CADM2: variants seen among roughly 807,000 people sequenced by gnomAD.
CADM2 encodes immunoglobulin superfamily member 4D.
Under a neutral mutation model 49.8 loss-of-function variants are expected in CADM2, and 12 were observed. The observed-to-expected ratio is 0.24, with a 90% CI of 0.15 to 0.39. CADM2 has a LOEUF of 0.39. Ranked by LOEUF, CADM2 falls within the 10% of genes least tolerant of loss-of-function variation. The pLI is 1.00. For synonymous variants in CADM2, 214 were observed against 175.4 expected (o/e 1.22, Z -1.74); for missense variants, 378 against 492.3 (o/e 0.77, Z 2.20).
chr3:85,287,679 T>C (rs1244015033), intron 1 of CADM2, among the ~76,000 whole-genome samples: 1 of 152,146 alleles, frequency 6.6e-6, no homozygotes, highest in Non-Finnish European at 1.5e-5. Flanking sequence ...ATTAGGAAAT[T>C]GAGAACAAAA....
chr3:85,695,730 G>A (rs2066532133), intron 1 of CADM2, among the ~76,000 whole-genome samples: 1 of 152,052 alleles, frequency 6.6e-6, no homozygotes, highest in African/African-American at 2.4e-5. Context: ...ACACTTGCAA[G>A]TGTCTTTTTG....
intron 8 of CADM2, among the ~76,000 whole-genome samples, chr3:86,029,098 G>A (rs910245622): frequency 6.6e-6 from 1 of 152,142 alleles, no homozygotes; most frequent in African/African-American, 2.4e-5. Context: ...TTTCAAGTGA[G>A]GGAAATAAGC....
intron 1 of CADM2, among the ~76,000 whole-genome samples, chr3:85,006,732 A>G (rs1167987871): frequency 6.6e-6 from 1 of 152,138 alleles, no homozygotes; most frequent in East Asian, 1.9e-4. Context: ...ACTATATTTC[A>G]AGGTCCATAT....
chr3:85,674,192 T>C (rs2065826710), intron 1 of CADM2, among the ~76,000 whole-genome samples: 2 of 152,162 alleles, frequency 1.3e-5, no homozygotes, highest in African/African-American at 2.4e-5. Flanking sequence ...ATTAAATACA[T>C]GTAAACGCAC....
chr3:85,370,215 A>AAATAAT (rs142588684), intron 1 of CADM2, among the ~76,000 whole-genome samples: 53,431 of 134,822 alleles, frequency 0.4, 10,931 homozygotes, highest in East Asian at 0.55. Context: ...CTCCTTTTCA[A>AAATAAT]AATAATAATA....
intron 2 of CADM2, among the ~76,000 whole-genome samples, chr3:85,746,515 A>G (rs1352803145): frequency 6.6e-6 from 1 of 152,128 alleles, no homozygotes; most frequent in Non-Finnish European, 1.5e-5. Context: ...TTGTGCCATC[A>G]TTTCATATGT....
At chr3:85,664,483 A>T (rs1314692701) in intron 1 of CADM2, among the ~76,000 whole-genome samples, 1 of 151,974 alleles carries the variant, frequency 6.6e-6, no homozygotes, top group African/African-American at 2.4e-5. Context: ...TACACCCTAC[A>T]TCAGATGCAT....
chr3:85,801,440 T>C (rs538918509), intron 2 of CADM2, among the ~76,000 whole-genome samples: 2 of 152,246 alleles, frequency 1.3e-5, no homozygotes, highest in South Asian at 4.1e-4. Flanking sequence ...AATTTAGAGT[T>C]TGAATGGATA....
chr3:85,206,578 A>AT (rs1418824330), intron 1 of CADM2, among the ~76,000 whole-genome samples: 1 of 152,084 alleles, frequency 6.6e-6, no homozygotes, highest in Non-Finnish European at 1.5e-5. Context: ...AAGTGCTGGG[A>AT]TTACAGGCGT....
At chr3:85,199,370 T>TGTGTGAGAGAGAGAGAGAGAGAGA (rs1553694531) in intron 1 of CADM2, among the ~76,000 whole-genome samples, 45 of 140,150 alleles carry the variant, frequency 3.2e-4, no homozygotes, top group East Asian at 6.2e-4. Flanking sequence ...TGTGTGTGTA[T>TGTGTGAGAGAGAGAGAGAGAGAGA]GAGAGAGAGA....
intron 8 of CADM2, among the ~76,000 whole-genome samples, chr3:86,004,750 C>T (rs1278266564): frequency 6.6e-6 from 1 of 152,164 alleles, no homozygotes; most frequent in Non-Finnish European, 1.5e-5. Context: ...TCCTACTCTC[C>T]ATAGCAGCAT....
chr3:85,375,405 G>A (rs1191341863), intron 1 of CADM2, among the ~76,000 whole-genome samples: 1 of 152,106 alleles, frequency 6.6e-6, no homozygotes, highest in Non-Finnish European at 1.5e-5. Flanking sequence ...TGTAGCCTGA[G>A]GTCCCAGGGA....
intron 1 of CADM2, among the ~76,000 whole-genome samples, chr3:85,127,744 A>T (rs983086528): frequency 1.3e-5 from 2 of 152,086 alleles, no homozygotes; most frequent in African/African-American, 4.8e-5. Flanking sequence ...ACCTTTAAGG[A>T]TTGATTTAGG....
intron 6 of CADM2, among the ~76,000 whole-genome samples, chr3:85,915,740 T>C (rs529560451): frequency 5.3e-5 from 8 of 152,172 alleles, no homozygotes; most frequent in Non-Finnish European, 1.0e-4. Context: ...AGCATAATTT[T>C]AGTATTTCTC....
chr3:85,681,749 G>T (rs577493966), intron 1 of CADM2, among the ~76,000 whole-genome samples: 2 of 151,952 alleles, frequency 1.3e-5, no homozygotes, highest in Non-Finnish European at 2.9e-5. Context: ...CTTCATAGTA[G>T]CACAGAGAAA....
chr3:85,280,797 T>A (rs989708410), intron 1 of CADM2, among the ~76,000 whole-genome samples: 17 of 151,826 alleles, frequency 1.1e-4, no homozygotes, highest in African/African-American at 3.6e-4. Flanking sequence ...AAAACAGTAA[T>A]TTTTAGTATA....
chr3:85,286,453 G>A (rs2043635630), intron 1 of CADM2, among the ~76,000 whole-genome samples: 1 of 152,154 alleles, frequency 6.6e-6, no homozygotes, highest in Non-Finnish European at 1.5e-5. Context: ...AGGGAAGAAA[G>A]TAGTTTGATT....
chr3:85,448,320 A>G (rs1031380509), intron 1 of CADM2, among the ~76,000 whole-genome samples: 15 of 126,046 alleles, frequency 1.2e-4, no homozygotes, highest in South Asian at 8.9e-4. Context: ...GCGACAGAGC[A>G]AGATTCCGTC....
intron 1 of CADM2, among the ~76,000 whole-genome samples, chr3:85,297,978 A>G (rs959684327): frequency 2.6e-5 from 4 of 152,080 alleles, no homozygotes; most frequent in Non-Finnish European, 5.9e-5. Flanking sequence ...GAACTGATTC[A>G]TAAAAGATGA....
Sources: gnomAD v4.1 joint callset for allele counts (sites outside exome capture counted in the v4.1 genomes callset) on GRCh38, gnomAD v4.1.1 for gene constraint, MANE v1.5 for transcripts, NCBI Gene and HGNC (gene_info 2026-07-23, HGNC 2026-07-21) for gene names.